Variants in ITPR2 observed in about 807,000 individuals in gnomAD.
The protein encoded by ITPR2 is inositol 1,4,5-trisphosphate receptor type 2.
Under a neutral mutation model 317.1 loss-of-function variants are expected in ITPR2, and 207 were observed. The observed-to-expected ratio is 0.65, with a 90% CI of 0.58 to 0.73. ITPR2 has a LOEUF of 0.73. ITPR2 is among the 30% of genes least tolerant of loss of function. The pLI is 0.00. For missense variants in ITPR2, 2,613 were observed against 3,284.0 expected (o/e 0.80, Z 4.99); for synonymous variants, 1,156 against 1,149.1 (o/e 1.01, Z -0.12).
chr12:26,461,232 T>A (rs751664898), intron 45 of ITPR2, among the ~76,000 whole-genome samples: 3 of 152,076 alleles, frequency 2.0e-5, no homozygotes, highest in Non-Finnish European at 2.9e-5. Context: ...ACTATAAATA[T>A]AAGCATGAAA....
At chr12:26,550,452 T>C in intron 36 of ITPR2, 97 bp from the exon 37 acceptor site, 3 of 642,666 alleles carry the variant, frequency 4.7e-6, no homozygotes, top group Non-Finnish European at 8.2e-6. Flanking sequence ...TACACAATTA[T>C]TTGAGAATAT....
intron 37 of ITPR2, among the ~76,000 whole-genome samples, chr12:26,496,759 C>T (rs558461169): frequency 1.3e-5 from 2 of 152,042 alleles, no homozygotes; most frequent in African/African-American, 4.8e-5. Flanking sequence ...CTGGCTAACA[C>T]AGTGAAACCC....
At chr12:26,634,871 C>A (rs954593899) in intron 21 of ITPR2, among the ~76,000 whole-genome samples, 4 of 97,194 alleles carry the variant, frequency 4.1e-5, no homozygotes, top group Non-Finnish European at 5.4e-5. Context: ...GGCAACAGAG[C>A]AAGACTTCAT....
rs751579774 is a variant in ITPR2, at chr12:26,556,373, A to G, written c.4824T>C (p.Asp1608=). 3.1e-6 allele frequency: 5 copies of G among 1,609,466 alleles called. No individual in the cohort carries two copies. Among genetic ancestry groups the G allele is most frequent in the Admixed American group, 3.4e-5 (2 of 58,846 alleles). Residue 1608 remains aspartate (D), a splice_region_variant and synonymous_variant, in exon 36 of 57, where the codon GAT becomes GAC. Transcript: ENST00000381340. ...ACTGGTGCTCCAAGGAGGCCACTACATCCTAGGGAATGAAACACAAGAGAA... is the reference window on the plus strand; with the variant it reads ...ACTGGTGCTCCAAGGAGGCCACTACGTCCTAGGGAATGAAACACAAGAGAA... ...DYRNIIEKLQ[D]VVASLEHQFS... is the part of the protein sequence containing the mutation.
chr12:26,362,852 T>C (rs561214796), intron 55 of ITPR2, among the ~76,000 whole-genome samples: 3 of 152,286 alleles, frequency 2.0e-5, no homozygotes, highest in East Asian at 3.9e-4. Flanking sequence ...AACTGGGGAA[T>C]AAAAGATGGG....
chr12:26,807,418 T>G lies in ITPR2; in HGVS notation c.93-17191A>C, dbSNP rs117492568. Among the ~76,000 whole-genome samples, 117 of 152,320 alleles carry G rather than the reference T, an allele frequency of 7.7e-4. 1 individual carries two copies. The highest frequency in any genetic ancestry group is 4.9e-4 in the Non-Finnish European group (33 of 68,020). On this transcript the variant is annotated intron_variant, in intron 1 of 56. Transcript: ENST00000381340. ...AATCAACCTGCACTGATTCTACTTA[T>G]GAACCCAGCCAAGCACAATGTGTTC...
At chr12:26,376,835 C>A (rs1939361853) in intron 55 of ITPR2, among the ~76,000 whole-genome samples, 1 of 152,010 alleles carries the variant, frequency 6.6e-6, no homozygotes, top group Admixed American at 6.6e-5. Context: ...CTCAGGCAAT[C>A]CTCCTGCCTC....
intron 41 of ITPR2, among the ~76,000 whole-genome samples, chr12:26,485,130 T>G (rs376639214): frequency 1.3e-5 from 2 of 152,274 alleles, no homozygotes; most frequent in South Asian, 2.1e-4. Context: ...TTCAGTCAAG[T>G]TCTCTAGATT....
chr12:26,344,395 T>A (rs1938238092), intron 55 of ITPR2, among the ~76,000 whole-genome samples: 1 of 152,096 alleles, frequency 6.6e-6, no homozygotes, highest in Non-Finnish European at 1.5e-5. Flanking sequence ...GTACCAGGAA[T>A]GTGAGGGATG....
chr12:26,791,350 T>C (rs1950337070), intron 1 of ITPR2, among the ~76,000 whole-genome samples: 2 of 151,046 alleles, frequency 1.3e-5, no homozygotes, highest in African/African-American at 4.8e-5. Flanking sequence ...TAAAGGGAGA[T>C]GCCCAAATTG....
chr12:26,407,522 T>G (rs1940391124), intron 52 of ITPR2, among the ~76,000 whole-genome samples: 3 of 152,156 alleles, frequency 2.0e-5, no homozygotes, highest in Admixed American at 2.0e-4. Flanking sequence ...TCAACTCCAG[T>G]TCATAAATAC....
intron 10 of ITPR2, among the ~76,000 whole-genome samples, 161 bp downstream of exon 10, chr12:26,695,445 A>G (rs2136989750): frequency 6.6e-6 from 1 of 152,326 alleles, no homozygotes; most frequent in South Asian, 2.1e-4. Context: ...ACATCTTCTC[A>G]TAATCTAAGC....
chr12:26,446,731 T>TAAAAAA (rs1385714967), intron 45 of ITPR2, among the ~76,000 whole-genome samples: 1 of 13,428 alleles, frequency 7.4e-5, no homozygotes, highest in Admixed American at 5.9e-4. Context: ...TAAAAGGGAC[T>TAAAAAA]CAAAAAAAAA....
At chr12:26,645,099 TC>T (rs1489036138) in intron 21 of ITPR2, among the ~76,000 whole-genome samples, 5 of 152,236 alleles carry the variant, frequency 3.3e-5, no homozygotes, top group African/African-American at 9.6e-5. Flanking sequence ...TTGCTTTCCC[TC>T]CCATTCTACT....
intron 13 of ITPR2, 133 bp from the exon 14 acceptor site, chr12:26,666,184 G>A (rs1947629376): frequency 1.3e-4 from 24 of 185,348 alleles, no homozygotes; most frequent in South Asian, 3.2e-4. Flanking sequence ...TTTTTCTTCA[G>A]GAGTGGAACT....
chr12:26,448,034 A>G (rs1941653946), intron 45 of ITPR2, among the ~76,000 whole-genome samples: 1 of 151,094 alleles, frequency 6.6e-6, no homozygotes, highest in Non-Finnish European at 1.5e-5. Context: ...CCAAAGCAGC[A>G]ATCACACCAT....
chr12:26,699,418 A>G (rs995084980), intron 9 of ITPR2, among the ~76,000 whole-genome samples: 6 of 152,200 alleles, frequency 3.9e-5, no homozygotes, highest in African/African-American at 1.4e-4. Context: ...CCTAATGCCC[A>G]TGGAACTCAG....
chr12:26,652,339 A>T (rs1159277299), intron 21 of ITPR2, among the ~76,000 whole-genome samples: 1 of 152,088 alleles, frequency 6.6e-6, no homozygotes, highest in African/African-American at 2.4e-5. Flanking sequence ...TGATTTGTAC[A>T]GTTTTTTGAA....
Position 26,497,964 on chromosome 12 carries a change from G to T in ITPR2, c.5074-2704C>A, listed in dbSNP as rs140905534. 2.4e-4 allele frequency among the ~76,000 whole-genome samples: 36 copies of T among 151,988 alleles called. No individual in the cohort carries two copies. The East Asian group carries it at 7.0e-3, about 29-fold the overall frequency. On this transcript the variant is annotated intron_variant, in intron 37 of 56. Transcript: ENST00000381340. ...TGGCCAGAGCTGGTCTCGAACTCCT[G>T]ACCTCAGGCAATCTGCCGGCCTCAG...
Sources: gnomAD v4.1 joint callset for allele counts (sites outside exome capture counted in the v4.1 genomes callset) on GRCh38, gnomAD v4.1.1 for gene constraint, MANE v1.5 for transcripts, NCBI Gene and HGNC (gene_info 2026-07-23, HGNC 2026-07-21) for gene names.